Variants in RBFOX1 observed in about 807,000 individuals in gnomAD.
The protein encoded by RBFOX1 is RNA binding fox-1 homolog 1.
In RBFOX1, 8 loss-of-function variants were observed where a neutral mutation model predicts 57.7. The observed-to-expected ratio is 0.14, with a 90% CI of 0.08 to 0.25. The LOEUF is 0.25. Ranked by LOEUF, RBFOX1 falls within the 10% of genes least tolerant of loss-of-function variation. The pLI is 1.00. For missense variants in RBFOX1, 611 were observed against 548.5 expected, an observed-to-expected ratio of 1.11 and a Z score of -1.14; for synonymous variants, 326 against 222.4, an observed-to-expected ratio of 1.47 and a Z score of -4.15.
chr16:5,822,713 C>T (rs751995772), intron 3 of RBFOX1, among the ~76,000 whole-genome samples: 20 of 152,202 alleles, frequency 1.3e-4, no homozygotes, highest in Non-Finnish European at 2.6e-4. Context: ...AACCCATGGC[C>T]TGGAGAGTCC....
At chr16:6,579,677 T>G (rs2097504881) in intron 2 of RBFOX1, among the ~76,000 whole-genome samples, 1 of 152,200 alleles carries the variant, frequency 6.6e-6, no homozygotes, top group Non-Finnish European at 1.5e-5. Flanking sequence ...CAGTTATACC[T>G]CTTTCCTTTA....
chr16:6,699,299 CTTT>C (rs36062118), intron 3 of RBFOX1, among the ~76,000 whole-genome samples: 18 of 141,638 alleles, frequency 1.3e-4, no homozygotes, highest in East Asian at 8.1e-4. Flanking sequence ...CCCTATGTTA[CTTT>C]TTTTTTTTTT....
At chr16:6,110,623 T>C (rs965522472) in intron 1 of RBFOX1, among the ~76,000 whole-genome samples, 31 of 152,220 alleles carry the variant, frequency 2.0e-4, no homozygotes, top group African/African-American at 7.2e-4. Flanking sequence ...TTGAGCACTT[T>C]CTGTGTGAAG....
intron 3 of RBFOX1, among the ~76,000 whole-genome samples, chr16:5,784,115 G>A (rs188973815): frequency 2.6e-5 from 4 of 152,116 alleles, no homozygotes; most frequent in Non-Finnish European, 4.4e-5. Context: ...CTACACTCAC[G>A]GCAGAAGGTG....
At chr16:6,680,087 C>G (rs1420739093) in intron 3 of RBFOX1, among the ~76,000 whole-genome samples, 1 of 151,816 alleles carries the variant, frequency 6.6e-6, no homozygotes, top group Non-Finnish European at 1.5e-5. Flanking sequence ...AGATTGGCAA[C>G]TTGGAACTTC....
At chr16:6,485,222 C>A (rs1179718660) in intron 2 of RBFOX1, among the ~76,000 whole-genome samples, 1 of 152,118 alleles carries the variant, frequency 6.6e-6, no homozygotes, top group Non-Finnish European at 1.5e-5. Flanking sequence ...TCTTATCTGC[C>A]CACACGCTTC....
chr16:6,522,638 T>C (rs1045827232), intron 2 of RBFOX1, among the ~76,000 whole-genome samples: 30 of 152,180 alleles, frequency 2.0e-4, no homozygotes, highest in African/African-American at 7.2e-4. Context: ...GGGTTGGCAT[T>C]CAGTACCGGG....
At chr16:7,175,447 C>A (rs1221522412) in intron 4 of RBFOX1, among the ~76,000 whole-genome samples, 1 of 152,162 alleles carries the variant, frequency 6.6e-6, no homozygotes, top group African/African-American at 2.4e-5. Context: ...GAGCTCCTCC[C>A]CCTTTAACGT....
intron 4 of RBFOX1, among the ~76,000 whole-genome samples, chr16:7,314,599 A>G (rs1457375813): frequency 6.6e-6 from 1 of 152,204 alleles, no homozygotes; most frequent in Non-Finnish European, 1.5e-5. Flanking sequence ...CAGTGGCATC[A>G]CGGTCCTATT....
At chr16:6,128,128 G>C (rs1468182328) in intron 1 of RBFOX1, among the ~76,000 whole-genome samples, 1 of 152,030 alleles carries the variant, frequency 6.6e-6, no homozygotes, top group Non-Finnish European at 1.5e-5. Context: ...CATTTGAAGA[G>C]TTACTATGAA....
At chr16:5,376,055 C>T (rs1016717035) in intron 1 of RBFOX1, among the ~76,000 whole-genome samples, 1 of 151,778 alleles carries the variant, frequency 6.6e-6, no homozygotes, top group Admixed American at 6.6e-5. Context: ...GTAGTTCTAG[C>T]TACTTGGGAG....
intron 2 of RBFOX1, among the ~76,000 whole-genome samples, chr16:6,619,937 G>C (rs115516013): frequency 1.3e-5 from 2 of 152,020 alleles, no homozygotes; most frequent in Non-Finnish European, 2.9e-5. Context: ...TTAAGTCCCA[G>C]TTTTAAGTGA....
chr16:5,501,328 A>AAAAAAG (rs1402285912), intron 2 of RBFOX1, among the ~76,000 whole-genome samples: 6 of 151,300 alleles, frequency 4.0e-5, no homozygotes, highest in African/African-American at 1.5e-4. Context: ...CAAAAAAAAA[A>AAAAAAG]AAAAAAAAAA....
chr16:6,563,803 G>T lies in RBFOX1; in HGVS notation c.-63-90800G>T, dbSNP rs34577150. 4.2e-3 allele frequency among the ~76,000 whole-genome samples: 638 copies of T among 151,858 alleles called. 4 individuals are homozygous for T. The highest frequency in any genetic ancestry group is 0.011 in the African/African-American group (454 of 41,366). On this transcript the variant is annotated intron_variant, in intron 2 of 15. Transcript: ENST00000550418. ...ACTGAGCCACTGCAATCCAGTCTAG[G>T]AGACACAGTGGGATCCTGTCTCCAA...
chr16:6,566,161 C>T (rs2097262957), intron 2 of RBFOX1, among the ~76,000 whole-genome samples: 2 of 152,170 alleles, frequency 1.3e-5, no homozygotes, highest in African/African-American at 4.8e-5. Flanking sequence ...ATGCCTAAGT[C>T]CAAGTAGGCA....
intron 1 of RBFOX1, among the ~76,000 whole-genome samples, chr16:6,261,237 C>T (rs555062672): frequency 6.6e-6 from 1 of 152,314 alleles, no homozygotes; most frequent in East Asian, 1.9e-4. Context: ...TTCTTCCCTT[C>T]CAAAAAGCAG....
chr16:5,912,443 A>C (rs116090517), intron 4 of RBFOX1, among the ~76,000 whole-genome samples: 2,139 of 152,258 alleles, frequency 0.014, 53 homozygotes, highest in African/African-American at 0.049. Flanking sequence ...TGGTTTGGGG[A>C]CATGTCACGG....
chr16:6,623,995 C>T (rs1349021888), intron 2 of RBFOX1, among the ~76,000 whole-genome samples: 3 of 152,230 alleles, frequency 2.0e-5, no homozygotes, highest in African/African-American at 7.2e-5. Flanking sequence ...ATTTCTAGTT[C>T]TAGATCCCTG....
intron 4 of RBFOX1, among the ~76,000 whole-genome samples, chr16:7,111,633 C>A (rs1384336033): frequency 6.6e-6 from 1 of 152,060 alleles, no homozygotes; most frequent in Non-Finnish European, 1.5e-5. Flanking sequence ...GAGTAAATTA[C>A]TAAGTATTTG....
Sources: allele counts gnomAD v4.1 joint callset (sites outside exome capture counted in the v4.1 genomes callset), GRCh38; gene constraint gnomAD v4.1.1; transcripts MANE v1.5; gene names NCBI Gene and HGNC (gene_info 2026-07-23, HGNC 2026-07-21).